NUDCD3: variants seen among roughly 807,000 people sequenced by gnomAD.
The protein encoded by NUDCD3 is NudC domain containing 3.
A neutral mutation model predicts 39.7 loss-of-function variants in NUDCD3; 13 were observed. That is an observed-to-expected ratio of 0.33 (90% CI 0.21 to 0.52). The LOEUF is 0.52. NUDCD3 is among the 20% of genes least tolerant of loss of function. The pLI is 0.96. For missense variants in NUDCD3, 453 were observed against 458.1 expected, an observed-to-expected ratio of 0.99 and a Z score of 0.10; for synonymous variants, 175 against 172.4, an observed-to-expected ratio of 1.02 and a Z score of -0.12.
intron 3 of NUDCD3, among the ~76,000 whole-genome samples, chr7:44,409,795 T>A (rs1399419484): frequency 6.6e-6 from 1 of 152,142 alleles, no homozygotes; most frequent in Admixed American, 6.5e-5. Flanking sequence ...TCAATAAATA[T>A]CAGTATCACT....
chr7:44,423,211 A>G (rs1453417615), intron 3 of NUDCD3, among the ~76,000 whole-genome samples: 2 of 152,226 alleles, frequency 1.3e-5, no homozygotes, highest in African/African-American at 2.4e-5. Context: ...AGCTGGAAGC[A>G]CTGCCTTTGA....
intron 3 of NUDCD3, among the ~76,000 whole-genome samples, chr7:44,415,821 T>C (rs1053835197): frequency 5.3e-5 from 8 of 152,184 alleles, no homozygotes; most frequent in African/African-American, 1.7e-4. Flanking sequence ...AGTTGAGTTG[T>C]TGCAGCCGGG....
At position 44,382,976 on chromosome 7, in the gene NUDCD3, A is replaced by G. The variant is rs1798333328; in HGVS notation, c.*3035T>C. On this transcript the variant is annotated 3_prime_UTR_variant, in exon 6 of 6. Coordinates refer to ENST00000355451, the MANE Select transcript of NUDCD3 (RefSeq NM_015332.4). ...TTCTGGCCCTGGGAGTATGCTAGGCAATTCTAAGGATTGCCTTTGAAACAG... is the reference window on the plus strand; with the variant it reads ...TTCTGGCCCTGGGAGTATGCTAGGCGATTCTAAGGATTGCCTTTGAAACAG... 6.6e-6 allele frequency: 1 copy of G among 152,232 alleles called. No individual in the cohort carries two copies. Among genetic ancestry groups the G allele is most frequent in the African/African-American group, 2.4e-5 (1 of 41,434 alleles). The allele number at this position is 152,232 out of a possible 1,614,324, so 9.4% of individuals were successfully genotyped here. A position where few individuals can be genotyped will look rare whatever the true frequency, so the allele number is the denominator to read the frequency against.
At chr7:44,393,902 G>A (rs1482531584) in intron 4 of NUDCD3, among the ~76,000 whole-genome samples, 2 of 152,082 alleles carry the variant, frequency 1.3e-5, no homozygotes, top group Non-Finnish European at 2.9e-5. Context: ...CCCCCAAGAG[G>A]GAGCACTGGA....
intron 4 of NUDCD3, among the ~76,000 whole-genome samples, chr7:44,402,096 C>T (rs922594661): frequency 2.0e-5 from 3 of 152,196 alleles, no homozygotes; most frequent in Admixed American, 6.5e-5. Flanking sequence ...CAGAGACTCC[C>T]GTTTCTCACA....
At chr7:44,476,905 A>G (rs1017700309) in intron 2 of NUDCD3, among the ~76,000 whole-genome samples, 9 of 152,214 alleles carry the variant, frequency 5.9e-5, no homozygotes, top group African/African-American at 2.2e-4. Flanking sequence ...GCTGATGAGA[A>G]AAGTGAAGAG....
chr7:44,389,703 G>A (rs923015356), intron 5 of NUDCD3, among the ~76,000 whole-genome samples: 1 of 152,124 alleles, frequency 6.6e-6, no homozygotes, highest in African/African-American at 2.4e-5. Flanking sequence ...CTTCCTCACC[G>A]ACGTGCCCCA....
intron 2 of NUDCD3, among the ~76,000 whole-genome samples, chr7:44,441,771 G>C (rs1265396497): frequency 1.3e-5 from 2 of 152,160 alleles, no homozygotes; most frequent in African/African-American, 4.8e-5. Context: ...CAAACTTGGA[G>C]TTAATCAAAA....
intron 2 of NUDCD3, among the ~76,000 whole-genome samples, chr7:44,475,234 C>A (rs949238611): frequency 6.6e-6 from 1 of 151,666 alleles, no homozygotes; most frequent in African/African-American, 2.4e-5. Context: ...GCCTCAGCTT[C>A]CCGAGTAGCT....
At chr7:44,443,642 C>G (rs1799634460) in intron 2 of NUDCD3, among the ~76,000 whole-genome samples, 1 of 152,170 alleles carries the variant, frequency 6.6e-6, no homozygotes, top group African/African-American at 2.4e-5. Context: ...AACTCCTGGC[C>G]TCAAGTGATC....
Position 44,385,906 on chromosome 7 carries a change from G to A in NUDCD3, c.*105C>T, listed in dbSNP as rs1333351123. On this transcript the variant is annotated 3_prime_UTR_variant, in exon 6 of 6. Coordinates refer to ENST00000355451, the MANE Select transcript of NUDCD3 (RefSeq NM_015332.4). Reference sequence around the variant, plus strand: ...CACCCTTGAAAGAAAGGATGGCTAGGGGTAAACAAGACGAGCAAGTCCCTG... The same window carrying A: ...CACCCTTGAAAGAAAGGATGGCTAGAGGTAAACAAGACGAGCAAGTCCCTG... 2 of 688,642 alleles carry A rather than the reference G, an allele frequency of 2.9e-6. No homozygotes were observed. Among genetic ancestry groups the A allele is most frequent in the Non-Finnish European group, 2.7e-6 (1 of 373,764 alleles). 42.7% of individuals were successfully genotyped at this position (688,642 alleles called of 1,614,324 possible).
At chr7:44,469,373 T>C (rs758670139) in intron 2 of NUDCD3, among the ~76,000 whole-genome samples, 24 of 152,262 alleles carry the variant, frequency 1.6e-4, no homozygotes, top group Admixed American at 4.6e-4. Flanking sequence ...GCCAACTAGA[T>C]CTTTAAACTA....
Position 44,400,976 on chromosome 7 carries a change from T to C in NUDCD3, c.786+3464A>G, listed in dbSNP as rs551934692. On this transcript the variant is annotated intron_variant, in intron 4 of 5. Coordinates refer to ENST00000355451, the MANE Select transcript of NUDCD3 (RefSeq NM_015332.4). The stretch of plus-strand genomic sequence containing the variant: ...CCCTCAACTCACTTTCTTTAGCCAT[T>C]CCCAGTGCCTGCACAGGGTTGGGTA... 2.0e-5 allele frequency among the ~76,000 whole-genome samples: 3 copies of C among 152,336 alleles called. No homozygotes were observed. The East Asian group carries it at 5.8e-4, about 29-fold the overall frequency.
chr7:44,470,448 C>T lies in NUDCD3; in HGVS notation c.509+14520G>A, dbSNP rs758662089. On this transcript the variant is annotated intron_variant, in intron 2 of 5. Coordinates refer to ENST00000355451, the MANE Select transcript of NUDCD3 (RefSeq NM_015332.4). The stretch of plus-strand genomic sequence containing the variant: ...ATCCTATAGGACAGAGCTGCCTACA[C>T]GCCCAGGCTCGGTTTAAGGTCCCCC... Among the ~76,000 whole-genome samples, 4 of 152,250 alleles carry T rather than the reference C, an allele frequency of 2.6e-5. No individual in the cohort carries two copies. The East Asian group carries it at 5.8e-4, about 22-fold the overall frequency.
chr7:44,435,828 T>C (rs1402462046), intron 2 of NUDCD3, among the ~76,000 whole-genome samples: 2 of 152,144 alleles, frequency 1.3e-5, no homozygotes, highest in Non-Finnish European at 2.9e-5. Context: ...GCCTATTGGG[T>C]ACCCCTGCCC....
intron 3 of NUDCD3, among the ~76,000 whole-genome samples, chr7:44,409,243 T>A (rs1012280364): frequency 6.6e-6 from 1 of 152,128 alleles, no homozygotes; most frequent in Non-Finnish European, 1.5e-5. Flanking sequence ...AAATAAAGGC[T>A]AAGGCAGTTT....
At chr7:44,421,638 C>T (rs1799143954) in intron 3 of NUDCD3, among the ~76,000 whole-genome samples, 1 of 152,048 alleles carries the variant, frequency 6.6e-6, no homozygotes, top group Admixed American at 6.6e-5. Flanking sequence ...AATATATATG[C>T]ACCCAATACA....
At chr7:44,410,369 A>G (rs767079413) in intron 3 of NUDCD3, among the ~76,000 whole-genome samples, 107 of 152,224 alleles carry the variant, frequency 7.0e-4, no homozygotes, top group Non-Finnish European at 1.2e-3. Flanking sequence ...ACAGAATTAA[A>G]AGTCTAAAAA....
At chr7:44,454,895 T>C (rs1231316302) in intron 2 of NUDCD3, among the ~76,000 whole-genome samples, 2 of 151,120 alleles carry the variant, frequency 1.3e-5, no homozygotes, top group African/African-American at 4.9e-5. Flanking sequence ...GATCATGCCA[T>C]TGCACTCTAG....
Sources: gnomAD v4.1 joint callset for allele counts (sites outside exome capture counted in the v4.1 genomes callset) on GRCh38, gnomAD v4.1.1 for gene constraint, MANE v1.5 for transcripts, NCBI Gene and HGNC (gene_info 2026-07-23, HGNC 2026-07-21) for gene names.